The following DOCK8 variants were observed in gnomAD, a reference collection of about 807,000 sequenced individuals.
DOCK8 encodes the protein dedicator of cytokinesis protein 8.
Under a neutral mutation model 245.6 loss-of-function variants are expected in DOCK8, and 141 were observed. The ratio of observed to expected loss-of-function variants is 0.57; its 90% confidence interval spans 0.50 to 0.66. The LOEUF (loss-of-function observed/expected upper bound fraction) is 0.66, where lower values mean the gene tolerates loss of function less well. DOCK8 is among the 30% of genes least tolerant of loss of function. The pLI is 0.00. For synonymous variants in DOCK8, 1,168 were observed against 970.2 expected, an observed-to-expected ratio of 1.20 and a Z score of -3.79; for missense variants, 2,965 against 2,603.4, an observed-to-expected ratio of 1.14 and a Z score of -3.02.
chr9:228,152 T>A (rs1168789426), intron 1 of DOCK8, among the ~76,000 whole-genome samples: 1 of 152,064 alleles, frequency 6.6e-6, no homozygotes, highest in Admixed American at 6.6e-5. Flanking sequence ...ATGGGACAAG[T>A]GGTAACCAGA....
upstream of DOCK8, chr9:214,395 G>C: frequency 1.1e-6 from 1 of 883,966 alleles, no homozygotes; most frequent in South Asian, 1.6e-5. Flanking sequence ...GAAGGATGAT[G>C]GGCATATTGC....
chr9:319,299 G>C (rs189654200), intron 7 of DOCK8, among the ~76,000 whole-genome samples: 1 of 152,252 alleles, frequency 6.6e-6, no homozygotes, highest in Non-Finnish European at 1.5e-5. Context: ...TAAAAAAAGA[G>C]GAGTCACTTG....
At chr9:432,378 T>A (rs1164831035) in intron 37 of DOCK8, 54 bp downstream of exon 37, 1 of 1,552,960 alleles carries the variant, frequency 6.4e-7, no homozygotes, top group East Asian at 2.2e-5. Flanking sequence ...CTGCCAACTA[T>A]TGTGTATGTA....
intron 26 of DOCK8, among the ~76,000 whole-genome samples, chr9:401,432 A>T (rs937716827): frequency 6.6e-6 from 1 of 152,152 alleles, no homozygotes; most frequent in African/African-American, 2.4e-5. Context: ...GATCTGGGTG[A>T]GGCTGCTCCA....
chr9:214,767 C>T (rs752811694), upstream of DOCK8: 2 of 1,537,450 alleles, frequency 1.3e-6, no homozygotes, highest in Non-Finnish European at 1.7e-6. Flanking sequence ...CGCGCCAGGC[C>T]GGGTGGCGGA....
At chr9:397,063 G>A in intron 25 of DOCK8, 129 bp downstream of exon 25, 2 of 1,116,178 alleles carry the variant, frequency 1.8e-6, no homozygotes, top group African/African-American at 1.6e-5. Flanking sequence ...GTTAAACGCA[G>A]TATGTTATAC....
intron 26 of DOCK8, among the ~76,000 whole-genome samples, chr9:404,372 C>T (rs4366132): frequency 0.036 from 5,474 of 152,190 alleles, 328 homozygotes; most frequent in African/African-American, 0.12. Context: ...CTGGGACAAG[C>T]TCCTTGAGTT....
In DOCK8 at chr9:441,393, A is replaced by C. The variant is rs1315321637; in HGVS notation, c.5331A>C (p.Arg1777Ser). The change falls in exon 41 of 48, where the codon AGA (arginine) becomes AGC (serine). Residue 1777 changes from arginine (R) to serine (S), a missense_variant. Around this residue, in one of 3 missense-constraint regions of DOCK8, gnomAD observed 2,825 missense variants for 2,453.5 expected, o/e 1.15. Coordinates refer to ENST00000432829, the MANE Select transcript of DOCK8 (RefSeq NM_203447.4). ...CACTCACTCACAGCAAGCTGCAGAG[A>C]GCCTTCGACAGCATCGTTAACAAGG... ...KLTLTHSKLQ[R>S]AFDSIVNKDH... 6.2e-7 allele frequency: 1 copy of C among 1,614,178 alleles called. No individual in the cohort carries two copies. Among genetic ancestry groups the C allele is most frequent in the Admixed American group, 1.7e-5 (1 of 60,020 alleles).
chr9:307,338 GT>G lies in DOCK8; in HGVS notation c.528+2672del, dbSNP rs1165775428. On this transcript the variant is annotated intron_variant, in intron 5 of 47. Coordinates refer to ENST00000432829, the MANE Select transcript of DOCK8 (RefSeq NM_203447.4). ...CACTGTGTTGTGTGTGGTTTTTTTT[GT>G]TTTTTTTTTTTTTTTTTTTTTTTTT... Among the ~76,000 whole-genome samples the G allele has an allele frequency of 3.5e-3, 178 of 51,234 alleles. 2 individuals are homozygous for G. Among genetic ancestry groups the G allele is most frequent in the East Asian group, 0.023 (36 of 1,536 alleles). 33.6% of individuals were successfully genotyped at this position (51,234 alleles called of 152,430 possible).
chr9:316,358 T>C (rs775542376), intron 6 of DOCK8, among the ~76,000 whole-genome samples: 1 of 152,226 alleles, frequency 6.6e-6, no homozygotes, highest in Non-Finnish European at 1.5e-5. Flanking sequence ...CAGATACAGA[T>C]GTTAAGGTTA....
chr9:262,618 G>A (rs78615361), intron 1 of DOCK8, among the ~76,000 whole-genome samples: 3,133 of 151,516 alleles, frequency 0.021, 51 homozygotes, highest in South Asian at 0.048. Context: ...TAAAATTCTC[G>A]AAAATGCAAA....
upstream of DOCK8, chr9:212,945 C>T (rs1477394494): frequency 2.0e-5 from 3 of 152,142 alleles, no homozygotes; most frequent in Non-Finnish European, 2.9e-5. Flanking sequence ...CATGGTACAC[C>T]GTGGACCGAA....
Position 446,435 on chromosome 9 carries a change from A to T in DOCK8, c.5646A>T (p.Thr1882=), listed in dbSNP as rs2057262990. The T allele has an allele frequency of 6.2e-7, 1 of 1,614,096 alleles. No homozygotes were observed. ...FDEYEMKDRV[T]YFEKNFNLRR... is the part of the protein sequence containing the mutation. ...AGTATGAGATGAAAGACAGGGTCAC[A>T]TACTTTGAGAAGAATTTCAACCTCC... The change falls in exon 44 of 48, where the codon ACA becomes ACT. Residue 1882 remains threonine, a synonymous_variant. Transcript: ENST00000432829.
intron 19 of DOCK8, 134 bp from the exon 20 acceptor site, chr9:376,843 A>G (rs2053537396): frequency 1.0e-5 from 8 of 797,580 alleles, no homozygotes; most frequent in Non-Finnish European, 6.4e-6. Flanking sequence ...CTGAAACATC[A>G]TGTCTTAGAC....
chr9:259,644 T>C (rs2047868538), intron 1 of DOCK8, among the ~76,000 whole-genome samples: 1 of 152,212 alleles, frequency 6.6e-6, no homozygotes, highest in African/African-American at 2.4e-5. Flanking sequence ...ATGTAAGCAC[T>C]CAGTAAATAG....
chr9:288,979 G>C lies in DOCK8; in HGVS notation c.333-531G>C, dbSNP rs79539600. 3.8e-3 allele frequency among the ~76,000 whole-genome samples: 577 copies of C among 152,264 alleles called. 3 individuals are homozygous for C. Among genetic ancestry groups the C allele is most frequent in the Non-Finnish European group, 5.7e-3 (389 of 68,016 alleles). Reference sequence around the variant, plus strand: ...GACTCTGAAGCACTTGAAGAGTATTGCTCATGGTGCATTCCTTAAGTAGAC... The same window carrying C: ...GACTCTGAAGCACTTGAAGAGTATTCCTCATGGTGCATTCCTTAAGTAGAC... On this transcript the variant is annotated intron_variant, in intron 3 of 47. Transcript: ENST00000432829.
At chr9:248,671 C>G (rs73372551) in intron 1 of DOCK8, among the ~76,000 whole-genome samples, 1 of 151,968 alleles carries the variant, frequency 6.6e-6, no homozygotes, top group African/African-American at 2.4e-5. Flanking sequence ...AATGAAAATA[C>G]TGGCATGAGT....
chr9:398,589 C>A (rs1254354355), intron 25 of DOCK8, among the ~76,000 whole-genome samples: 2 of 152,054 alleles, frequency 1.3e-5, no homozygotes, highest in African/African-American at 2.4e-5. Flanking sequence ...AATTGGGATT[C>A]ATGGAGGAAT....
At chr9:412,166 G>A (rs1414401099) in intron 28 of DOCK8, among the ~76,000 whole-genome samples, 1 of 152,096 alleles carries the variant, frequency 6.6e-6, no homozygotes, top group Non-Finnish European at 1.5e-5. Context: ...ACTTTGGGAG[G>A]CCAAAGTGGA....
Sources: allele counts gnomAD v4.1 joint callset (sites outside exome capture counted in the v4.1 genomes callset), GRCh38; gene constraint gnomAD v4.1.1; regional missense constraint gnomAD v4.1.1; transcripts MANE v1.5; gene names NCBI Gene and HGNC (gene_info 2026-07-23, HGNC 2026-07-21).